Variants in FHIP2A observed in about 807,000 individuals in gnomAD.
FHIP2A encodes the protein family with sequence similarity 160 member B1.
In FHIP2A, 46 loss-of-function variants were observed where a neutral mutation model predicts 93.5. The observed-to-expected ratio is 0.49, with a 90% CI of 0.39 to 0.63. The LOEUF (loss-of-function observed/expected upper bound fraction) is 0.63. FHIP2A is among the 20% of genes least tolerant of loss of function. FHIP2A has a pLI of 0.00. For missense variants in FHIP2A, 769 were observed against 909.7 expected (o/e 0.85, Z 1.99); for synonymous variants, 332 against 326.5 (o/e 1.02, Z -0.18).
At chr10:114,893,852 ATATAT>A (rs748673708) in intron 16 of FHIP2A, among the ~76,000 whole-genome samples, 1 of 152,176 alleles carries the variant, frequency 6.6e-6, no homozygotes. Context: ...TATATTCAAA[ATATAT>A]TATGTGCAAA....
chr10:114,832,991 G>C (rs1369915287), intron 2 of FHIP2A, among the ~76,000 whole-genome samples: 1 of 152,086 alleles, frequency 6.6e-6, no homozygotes, highest in East Asian at 1.9e-4. Context: ...TGGAATTACA[G>C]GTGTGAGCCA....
intron 14 of FHIP2A, among the ~76,000 whole-genome samples, chr10:114,860,513 G>A (rs1308945198): frequency 6.6e-6 from 1 of 151,808 alleles, no homozygotes; most frequent in Non-Finnish European, 1.5e-5. Flanking sequence ...CCACCACACC[G>A]GGCTAATTTT....
chr10:114,899,484 C>A, intron 16 of FHIP2A: 1 of 718,530 alleles, frequency 1.4e-6, no homozygotes, highest in Non-Finnish European at 2.6e-6. Context: ...TTTCTTTTAT[C>A]CTCAGGCAGA....
intron 1 of FHIP2A, among the ~76,000 whole-genome samples, chr10:114,822,654 G>A (rs2083541118): frequency 6.6e-6 from 1 of 152,244 alleles, no homozygotes; most frequent in African/African-American, 2.4e-5. Context: ...TCCCTGGCGA[G>A]GGAGCCGCCG....
At chr10:114,846,774 T>C in intron 11 of FHIP2A, 46 bp downstream of exon 11, 2 of 1,463,570 alleles carry the variant, frequency 1.4e-6, no homozygotes, top group Non-Finnish European at 1.8e-6. Flanking sequence ...CATGTAGAGA[T>C]AGAACTTTCT....
intron 16 of FHIP2A, among the ~76,000 whole-genome samples, chr10:114,870,896 G>A (rs1208687957): frequency 1.3e-5 from 2 of 151,972 alleles, no homozygotes; most frequent in Non-Finnish European, 2.9e-5. Flanking sequence ...ATTACATTTG[G>A]TTAATAAGAG....
At chr10:114,832,366 C>T (rs998085122) in intron 2 of FHIP2A, among the ~76,000 whole-genome samples, 2 of 152,100 alleles carry the variant, frequency 1.3e-5, no homozygotes, top group African/African-American at 2.4e-5. Flanking sequence ...TTCCTTTTGG[C>T]TTCTCATTGT....
intron 16 of FHIP2A, chr10:114,899,468 A>G (rs1038976967): frequency 1.4e-6 from 1 of 718,398 alleles, no homozygotes; most frequent in Non-Finnish European, 2.6e-6. Context: ...TCATTTCCTG[A>G]TCTTCTTTCT....
At chr10:114,870,468 C>A (rs1311496044) in intron 16 of FHIP2A, among the ~76,000 whole-genome samples, 2 of 152,118 alleles carry the variant, frequency 1.3e-5, no homozygotes, top group African/African-American at 4.8e-5. Context: ...AGAGGCTACT[C>A]CACTTACACA....
At chr10:114,827,056 G>A (rs1372779961) in intron 1 of FHIP2A, among the ~76,000 whole-genome samples, 1 of 152,138 alleles carries the variant, frequency 6.6e-6, no homozygotes, top group Admixed American at 6.5e-5. Flanking sequence ...TAAAAGCAGA[G>A]GTGGCTTTTA....
chr10:114,877,325 T>G (rs895222246), intron 16 of FHIP2A, among the ~76,000 whole-genome samples: 5 of 152,094 alleles, frequency 3.3e-5, no homozygotes, highest in African/African-American at 7.2e-5. Context: ...CCAAATTCAT[T>G]CAATTAGTAG....
intron 1 of FHIP2A, among the ~76,000 whole-genome samples, chr10:114,824,427 T>TA (rs1323944811): frequency 2.6e-5 from 4 of 151,122 alleles, no homozygotes; most frequent in Non-Finnish European, 5.9e-5. Context: ...GAGAAAAAGT[T>TA]AGAGTGGCTT....
chr10:114,859,654 A>T (rs2083786319), intron 14 of FHIP2A, among the ~76,000 whole-genome samples: 1 of 152,216 alleles, frequency 6.6e-6, no homozygotes, highest in Non-Finnish European at 1.5e-5. Context: ...AAGTAGTAGC[A>T]ACTCCTTGTG....
Position 114,860,791 on chromosome 10 carries a change from C to A in FHIP2A, c.1990C>A (p.Leu664Ile). 3 of 1,608,696 alleles carry A rather than the reference C, an allele frequency of 1.9e-6. No individual in the cohort carries two copies. Among genetic ancestry groups the A allele is most frequent in the Non-Finnish European group, 2.6e-6 (3 of 1,175,082 alleles). ...NLQVTSVLSR[L>I]SLFPHPHIHE... ...ACAAGTAACCTCAGTGTTATCTAGACTTTCTCTCTTCCCTCATCCACACAT... is the reference window on the plus strand; with the variant it reads ...ACAAGTAACCTCAGTGTTATCTAGAATTTCTCTCTTCCCTCATCCACACAT... Residue 664 changes from leucine to isoleucine, a missense_variant, in exon 15 of 17, where the codon CTT becomes ATT. Coordinates refer to ENST00000369248, the MANE Select transcript of FHIP2A (RefSeq NM_020940.4).
At chr10:114,825,243 C>G (rs2083566440) in intron 1 of FHIP2A, among the ~76,000 whole-genome samples, 1 of 152,122 alleles carries the variant, frequency 6.6e-6, no homozygotes, top group African/African-American at 2.4e-5. Context: ...CCAGGTTGGT[C>G]TCACATTTTT....
At chr10:114,890,586 T>C (rs1421928075) in intron 16 of FHIP2A, among the ~76,000 whole-genome samples, 1 of 147,896 alleles carries the variant, frequency 6.8e-6, no homozygotes, top group Non-Finnish European at 1.5e-5. Flanking sequence ...ATATAAAATA[T>C]ACGCTATGAC....
intron 16 of FHIP2A, among the ~76,000 whole-genome samples, chr10:114,889,300 C>T (rs929486926): frequency 3.9e-5 from 6 of 152,160 alleles, no homozygotes; most frequent in African/African-American, 1.4e-4. Context: ...AAGGCTTGTT[C>T]TCCGCCTCTG....
chr10:114,891,478 T>A (rs1438705921), intron 16 of FHIP2A, among the ~76,000 whole-genome samples: 1 of 149,764 alleles, frequency 6.7e-6, no homozygotes, highest in Non-Finnish European at 1.5e-5. Context: ...AAACACTAAA[T>A]CAAATTTAAA....
At chr10:114,823,991 G>A (rs2083559015) in intron 1 of FHIP2A, among the ~76,000 whole-genome samples, 1 of 152,178 alleles carries the variant, frequency 6.6e-6, no homozygotes, top group Admixed American at 6.5e-5. Flanking sequence ...ACTTGAATTT[G>A]CCATATTCAA....
Sources: gnomAD v4.1 joint callset for allele counts (sites outside exome capture counted in the v4.1 genomes callset) on GRCh38, gnomAD v4.1.1 for gene constraint, MANE v1.5 for transcripts, NCBI Gene and HGNC (gene_info 2026-07-23, HGNC 2026-07-21) for gene names.